The following LSAMP variants were observed in gnomAD, a reference collection of about 807,000 sequenced individuals.
LSAMP encodes limbic system-associated membrane protein.
Under a neutral mutation model 38.6 loss-of-function variants are expected in LSAMP, and 7 were observed. That is an observed-to-expected ratio of 0.18 (90% CI 0.10 to 0.34). The LOEUF (loss-of-function observed/expected upper bound fraction) is 0.34, where lower values mean the gene tolerates loss of function less well. Ranked by LOEUF, LSAMP falls within the 10% of genes least tolerant of loss-of-function variation. The probability of loss-of-function intolerance (pLI) is 1.00; values close to 1 mark genes in which losing one functional copy is unlikely to be tolerated. For missense variants in LSAMP, 313 were observed against 420.0 expected (o/e 0.75, Z 2.23); for synonymous variants, 154 against 166.8 (o/e 0.92, Z 0.59).
intron 1 of LSAMP, among the ~76,000 whole-genome samples, chr3:116,248,512 T>A (rs1022929792): frequency 6.6e-6 from 1 of 151,380 alleles, no homozygotes; most frequent in Non-Finnish European, 1.5e-5. Context: ...TGTGTGTGTG[T>A]GTGTGTGTGT....
chr3:116,037,218 C>A (rs1941066497), intron 2 of LSAMP, among the ~76,000 whole-genome samples: 1 of 152,104 alleles, frequency 6.6e-6, no homozygotes. Context: ...CCTTATTAAA[C>A]AATCATTTCT....
At chr3:115,879,671 A>G (rs565376362) in intron 3 of LSAMP, among the ~76,000 whole-genome samples, 11 of 152,246 alleles carry the variant, frequency 7.2e-5, no homozygotes, top group African/African-American at 2.6e-4. Flanking sequence ...TTTTAAGACT[A>G]GTAGTTACCC....
At chr3:116,147,502 A>G (rs1455214886) in intron 1 of LSAMP, among the ~76,000 whole-genome samples, 1 of 151,910 alleles carries the variant, frequency 6.6e-6, no homozygotes, top group African/African-American at 2.4e-5. Flanking sequence ...ACATAACATA[A>G]TTTTTGGTGA....
intron 1 of LSAMP, among the ~76,000 whole-genome samples, chr3:116,377,554 T>A (rs2048509607): frequency 6.6e-6 from 1 of 152,084 alleles, no homozygotes; most frequent in Non-Finnish European, 1.5e-5. Flanking sequence ...CATGCATGTG[T>A]CTCTGTAATA....
chr3:115,814,100 T>A (rs1331020505), intron 6 of LSAMP: 4 of 152,206 alleles, frequency 2.6e-5, no homozygotes, highest in Non-Finnish European at 5.9e-5. Flanking sequence ...TTCAGTAAAT[T>A]GTATTATTAC....
intron 2 of LSAMP, among the ~76,000 whole-genome samples, chr3:116,024,924 T>C (rs1940744249): frequency 6.6e-6 from 1 of 151,904 alleles, no homozygotes. Context: ...ACAATTTGTA[T>C]GTTTCACAAA....
At chr3:116,423,238 C>T (rs1281005806) in intron 1 of LSAMP, among the ~76,000 whole-genome samples, 1 of 152,120 alleles carries the variant, frequency 6.6e-6, no homozygotes, top group Non-Finnish European at 1.5e-5. Flanking sequence ...AAACTTGCAA[C>T]AGAAGGAAAA....
chr3:116,425,887 T>C (rs2049188766), intron 1 of LSAMP, among the ~76,000 whole-genome samples: 1 of 148,548 alleles, frequency 6.7e-6, no homozygotes, highest in Admixed American at 6.7e-5. Flanking sequence ...AAAAAAAAAT[T>C]AATACACACA....
chr3:116,373,070 G>C (rs954153696), intron 1 of LSAMP, among the ~76,000 whole-genome samples: 8 of 151,424 alleles, frequency 5.3e-5, no homozygotes, highest in Non-Finnish European at 8.9e-5. Flanking sequence ...TCACTTCTAA[G>C]TATATTCAAA....
chr3:116,204,710 G>A (rs1489456074), intron 1 of LSAMP, among the ~76,000 whole-genome samples: 2 of 151,726 alleles, frequency 1.3e-5, no homozygotes, highest in Non-Finnish European at 2.9e-5. Flanking sequence ...TCAGATAGTT[G>A]TAGATATGCA....
chr3:116,242,964 G>C (rs575482169), intron 1 of LSAMP, among the ~76,000 whole-genome samples: 10 of 152,248 alleles, frequency 6.6e-5, no homozygotes, highest in South Asian at 4.1e-4. Flanking sequence ...AATTCTCTAT[G>C]AGTCATTAAG....
At chr3:116,223,414 A>G (rs1343648844) in intron 1 of LSAMP, among the ~76,000 whole-genome samples, 1 of 152,242 alleles carries the variant, frequency 6.6e-6, no homozygotes, top group Non-Finnish European at 1.5e-5. Context: ...AAAAATTAGA[A>G]CTATTCTAAA....
Position 116,302,075 on chromosome 3 carries a change from C to T in LSAMP, c.155+142802G>A, listed in dbSNP as rs983858450. ...TACTCATTTACTGTAGAGACCATGG[C>T]AATCTGTCAAGAAGGAAGAAGCTGT... On this transcript the variant is annotated intron_variant, in intron 1 of 6. Transcript: ENST00000490035. Among the ~76,000 whole-genome samples, 3 of 152,292 alleles carry T rather than the reference C, an allele frequency of 2.0e-5. No individual in the cohort carries two copies. In the East Asian group the frequency reaches 5.8e-4, roughly 29 times the overall value.
At chr3:115,897,567 T>C (rs1936761042) in intron 3 of LSAMP, among the ~76,000 whole-genome samples, 1 of 152,036 alleles carries the variant, frequency 6.6e-6, no homozygotes, top group African/African-American at 2.4e-5. Flanking sequence ...ATAAAGTCTA[T>C]AGAAATGCAA....
At chr3:115,932,742 T>TA (rs149894651) in intron 3 of LSAMP, among the ~76,000 whole-genome samples, 10,303 of 152,302 alleles carry the variant, frequency 0.068, 465 homozygotes, top group Non-Finnish European at 0.099. Context: ...GTAGTCATTT[T>TA]AAAAAATGAT....
intron 3 of LSAMP, among the ~76,000 whole-genome samples, chr3:115,920,891 T>TAC (rs1227231654): frequency 6.6e-6 from 1 of 151,962 alleles, no homozygotes; most frequent in African/African-American, 2.4e-5. Context: ...GGTGCATATA[T>TAC]ATATATATAT....
intron 2 of LSAMP, among the ~76,000 whole-genome samples, chr3:116,080,151 C>T (rs952304737): frequency 1.3e-5 from 2 of 152,164 alleles, no homozygotes; most frequent in African/African-American, 4.8e-5. Flanking sequence ...AAATAAATCT[C>T]TACCTCCACA....
chr3:115,945,892 T>C (rs1363600090), intron 3 of LSAMP, among the ~76,000 whole-genome samples: 1 of 152,182 alleles, frequency 6.6e-6, no homozygotes, highest in Non-Finnish European at 1.5e-5. Flanking sequence ...TTCAGTTAAA[T>C]CCTTTGTTAA....
At chr3:115,988,466 T>A (rs1559909889) in intron 3 of LSAMP, among the ~76,000 whole-genome samples, 1 of 152,006 alleles carries the variant, frequency 6.6e-6, no homozygotes, top group Non-Finnish European at 1.5e-5. Flanking sequence ...TTTGTTTGTC[T>A]GTTTGTTTGT....
Sources: gnomAD v4.1 joint callset for allele counts (sites outside exome capture counted in the v4.1 genomes callset) on GRCh38, gnomAD v4.1.1 for gene constraint, MANE v1.5 for transcripts, NCBI Gene and HGNC (gene_info 2026-07-23, HGNC 2026-07-21) for gene names.